The following CLTC variants were observed in gnomAD, a reference collection of about 807,000 sequenced individuals.
CLTC encodes clathrin heavy chain, also known as clathrin heavy chain 1.
Under a neutral mutation model 195.8 loss-of-function variants are expected in CLTC, and 16 were observed. That is an observed-to-expected ratio of 0.08 (90% CI 0.06 to 0.12). The LOEUF (loss-of-function observed/expected upper bound fraction) is 0.12. Among genes scored for constraint, CLTC ranks in the 10% least tolerant of loss-of-function variants. CLTC has a pLI of 1.00. For missense variants in CLTC, 796 were observed against 2,027.0 expected, an observed-to-expected ratio of 0.39 and a Z score of 11.66; for synonymous variants, 667 against 689.4, an observed-to-expected ratio of 0.97 and a Z score of 0.51.
rs753566978 is a variant in CLTC, at chr17:59,674,730, T to C, written c.2448T>C (p.Ile816=). ...ATCCAAGTCGACTTCCTGTAGTTAT[T>C]GGAGGATTACTTGATGTTGACTGTT... ...KVNPSRLPVV[I]GGLLDVDCSE... is the part of the protein sequence containing the mutation. Residue 816 remains isoleucine (I), a synonymous_variant, in exon 16 of 32, where the codon ATT becomes ATC. Coordinates refer to ENST00000269122, the MANE Select transcript of CLTC (RefSeq NM_004859.4). 6.2e-7 allele frequency: 1 copy of C among 1,613,232 alleles called. No homozygotes were observed. The highest frequency in any genetic ancestry group is 8.5e-7 in the Non-Finnish European group (1 of 1,179,532).
rs529664311 is a variant in CLTC, at chr17:59,653,834, G to A, written c.796-2020G>A. On this transcript the variant is annotated intron_variant, in intron 5 of 31. Transcript: ENST00000269122. ...ATTGCCCAGACTGAAGTGCAGTGGC[G>A]CAATCTCAGCTCACTGCAATCTCTG... 3.2e-4 allele frequency among the ~76,000 whole-genome samples: 48 copies of A among 151,134 alleles called. No homozygotes were observed. In the South Asian group the frequency reaches 5.7e-3, roughly 18 times the overall value.
At chr17:59,656,399 T>C (rs112340215) in intron 6 of CLTC, among the ~76,000 whole-genome samples, 14 of 151,876 alleles carry the variant, frequency 9.2e-5, no homozygotes, top group African/African-American at 3.4e-4. Context: ...GACAGACTAT[T>C]TTTTTAAGGA....
chr17:59,639,098 C>A (rs1475997426), intron 1 of CLTC, among the ~76,000 whole-genome samples: 1 of 152,088 alleles, frequency 6.6e-6, no homozygotes, highest in Non-Finnish European at 1.5e-5. Context: ...AATCTGGAAA[C>A]CAAATGAGTT....
At chr17:59,655,474 A>G (rs892601237) in intron 5 of CLTC, among the ~76,000 whole-genome samples, 1 of 152,254 alleles carries the variant, frequency 6.6e-6, no homozygotes, top group Admixed American at 6.5e-5. Flanking sequence ...TGACACAGAG[A>G]CACTGAAGAG....
chr17:59,652,085 C>T (rs1031296276), intron 5 of CLTC, among the ~76,000 whole-genome samples: 2 of 152,222 alleles, frequency 1.3e-5, no homozygotes, highest in African/African-American at 4.8e-5. Flanking sequence ...CCTTAAGAAG[C>T]AGCTCCTTTA....
At chr17:59,637,119 C>T (rs775199006) in intron 1 of CLTC, among the ~76,000 whole-genome samples, 86 of 151,580 alleles carry the variant, frequency 5.7e-4, no homozygotes, top group Non-Finnish European at 3.4e-4. Context: ...ATTTATAGCT[C>T]CCTGATATTT....
chr17:59,682,799 C>T lies in CLTC; in HGVS notation c.3765+6C>T, dbSNP rs2033107063. ...GTACTCGAACATGGAAAGAGGTAAT[C>T]TAAACCCAAGTTTGAGTGAAGAATT... On this transcript the variant is annotated splice_donor_region_variant and intron_variant, in intron 23 of 31. Coordinates refer to ENST00000269122, the MANE Select transcript of CLTC (RefSeq NM_004859.4). The surrounding 1 kb of genome is among the most constrained non-coding windows in gnomAD (Gnocchi z 6.8). The T allele has an allele frequency of 6.2e-7, 1 of 1,613,064 alleles. No homozygotes were observed. The highest frequency in any genetic ancestry group is 8.5e-7 in the Non-Finnish European group (1 of 1,179,336).
At chr17:59,632,982 A>C (rs1340662837) in intron 1 of CLTC, among the ~76,000 whole-genome samples, 2 of 152,186 alleles carry the variant, frequency 1.3e-5, no homozygotes, top group Non-Finnish European at 1.5e-5. Flanking sequence ...TAAGTTGCTA[A>C]ATAATGGATG....
chr17:59,643,132 G>GGGGTGTGT (rs747258707), intron 1 of CLTC, among the ~76,000 whole-genome samples: 22 of 142,316 alleles, frequency 1.5e-4, no homozygotes, highest in African/African-American at 3.6e-4. Flanking sequence ...TCTTTTCTGG[G>GGGGTGTGT]GTGTGTGTGT....
Position 59,682,645 on chromosome 17 carries a change from A to T in CLTC, c.3617A>T (p.Tyr1206Phe). The stretch of plus-strand genomic sequence containing the variant: ...TTTTTCCAGGTTGGTGACCGTTGTT[A>T]TGATGAAAAAATGTATGATGCTGCT... ...AHIQQVGDRC[Y>F]DEKMYDAAKL... Residue 1206 changes from tyrosine (Y) to phenylalanine (F), a missense_variant, in exon 23 of 32, where the codon TAT (tyrosine) becomes TTT (phenylalanine). Coordinates refer to ENST00000269122, the MANE Select transcript of CLTC (RefSeq NM_004859.4). The surrounding 1 kb of genome is among the most constrained non-coding windows in gnomAD (Gnocchi z 6.8). The T allele has an allele frequency of 6.2e-7, 1 of 1,614,006 alleles. No homozygotes were observed. The highest frequency in any genetic ancestry group is 8.5e-7 in the Non-Finnish European group (1 of 1,179,924).
intron 1 of CLTC, among the ~76,000 whole-genome samples, chr17:59,634,590 G>A (rs1008916749): frequency 2.0e-5 from 3 of 152,160 alleles, no homozygotes; most frequent in Admixed American, 2.0e-4. Context: ...GTTGCTTCCT[G>A]AATATATTGC....
intron 2 of CLTC, among the ~76,000 whole-genome samples, chr17:59,647,032 T>C (rs1397653792): frequency 1.3e-5 from 2 of 152,208 alleles, no homozygotes; most frequent in Non-Finnish European, 2.9e-5. Flanking sequence ...CTTGTGTACA[T>C]GCAACTAAGT....
At chr17:59,686,961 G>A (rs1030532510) in intron 30 of CLTC, 2 of 984,692 alleles carry the variant, frequency 2.0e-6, no homozygotes, top group Non-Finnish European at 2.4e-6. Flanking sequence ...ATATGGAATT[G>A]ATTTTTTTTC....
At chr17:59,649,405 C>G (rs1458612975) in intron 4 of CLTC, among the ~76,000 whole-genome samples, 1 of 152,164 alleles carries the variant, frequency 6.6e-6, no homozygotes, top group African/African-American at 2.4e-5. Flanking sequence ...GCTCCCTGTT[C>G]AAAGTCTAGT....
chr17:59,679,217 T>TA (rs1434908597), intron 17 of CLTC, 180 bp from the exon 18 acceptor site: 2 of 434,556 alleles, frequency 4.6e-6, no homozygotes, highest in African/African-American at 2.0e-5. Flanking sequence ...GAACTGTGTA[T>TA]TACAAAGTCT....
intron 5 of CLTC, among the ~76,000 whole-genome samples, chr17:59,652,101 A>T (rs958183549): frequency 1.3e-5 from 2 of 152,192 alleles, no homozygotes; most frequent in African/African-American, 4.8e-5. Context: ...CTTTACTAGG[A>T]GATTACAGTA....
At position 59,680,989 on chromosome 17, in the gene CLTC, C is replaced by G. The variant is rs1453850832; in HGVS notation, c.2997C>G (p.Asp999Glu). 6.2e-7 allele frequency: 1 copy of G among 1,613,834 alleles called. No individual in the cohort carries two copies. Among genetic ancestry groups the G allele is most frequent in the Admixed American group, 1.7e-5 (1 of 60,020 alleles). ...CTGTAAAGGCTTTCATGACTGCAGACCTTCCTAATGAACTCATTGAACTGC... is the reference window on the plus strand; with the variant it reads ...CTGTAAAGGCTTTCATGACTGCAGAGCTTCCTAATGAACTCATTGAACTGC... Reference protein sequence around the residue: ...SVTVKAFMTADLPNELIELLE... With the variant: ...SVTVKAFMTAELPNELIELLE... Residue 999 changes from aspartate to glutamate, a missense_variant, in exon 19 of 32, where the codon GAC becomes GAG. Physicochemically the swap from Asp to Glu is conservative, Grantham distance 45 (BLOSUM62 2). This residue lies in a region of CLTC where 160 missense variants were observed against 448.2 expected (regional missense o/e 0.36). Transcript: ENST00000269122.
Position 59,685,208 on chromosome 17 carries a change from G to A in CLTC, c.4587G>A (p.Lys1529=). ...NRWKQSVELC[K]KDSLYKDAMQ... Reference sequence around the variant, plus strand: ...GGAAACAGAGTGTAGAGCTGTGCAAGAAAGACAGCCTTTACAAGGTTGATA... The same window carrying A: ...GGAAACAGAGTGTAGAGCTGTGCAAAAAAGACAGCCTTTACAAGGTTGATA... The change falls in exon 29 of 32, where the codon AAG becomes AAA. Residue 1529 remains lysine (K), a synonymous_variant. Transcript: ENST00000269122. The surrounding 1 kb of genome is among the most constrained non-coding windows in gnomAD (Gnocchi z 5.0). 6.3e-7 allele frequency: 1 copy of A among 1,588,700 alleles called. No homozygotes were observed.
chr17:59,688,240 A>T (rs2033226581), intron 30 of CLTC, among the ~76,000 whole-genome samples: 1 of 152,220 alleles, frequency 6.6e-6, no homozygotes, highest in African/African-American at 2.4e-5. Flanking sequence ...GAGAGCCTGT[A>T]TAGCAAGTCA....
Sources: allele counts gnomAD v4.1 joint callset (sites outside exome capture counted in the v4.1 genomes callset), GRCh38; gene constraint gnomAD v4.1.1; regional missense constraint gnomAD v4.1.1; non-coding constraint Gnocchi (gnomAD v3.1); transcripts MANE v1.5; gene names NCBI Gene and HGNC (gene_info 2026-07-23, HGNC 2026-07-21).